Variants in MDGA2 observed in about 807,000 individuals in gnomAD.
The protein encoded by MDGA2 is MAM domain containing glycosylphosphatidylinositol anchor 2.
MDGA2 carries 40 observed loss-of-function variants against 117.8 expected under a neutral mutation model. The ratio of observed to expected loss-of-function variants is 0.34; its 90% CI spans 0.26 to 0.44. The LOEUF is 0.44. MDGA2 is among the 20% of genes least tolerant of loss of function. The probability of loss-of-function intolerance (pLI) is 1.00; values close to 1 mark genes in which losing one functional copy is unlikely to be tolerated. For missense variants in MDGA2, 1,123 were observed against 1,250.6 expected, an observed-to-expected ratio of 0.90 and a Z score of 1.54; for synonymous variants, 452 against 439.0, an observed-to-expected ratio of 1.03 and a Z score of -0.37.
At position 47,662,158 on chromosome 14, in the gene MDGA2, C is replaced by G. The variant is rs577954346; in HGVS notation, c.280+12359G>C. Among the ~76,000 whole-genome samples the G allele has an allele frequency of 8.5e-5, 13 of 152,286 alleles. No homozygotes were observed. In the East Asian group the frequency reaches 1.7e-3, roughly 20 times the overall value. On this transcript the variant is annotated intron_variant, in intron 1 of 16. Coordinates refer to ENST00000399232, the MANE Select transcript of MDGA2 (RefSeq NM_001113498.3). ...GAGACTGCATACTCTGTTGCCAACA[C>G]TGAATTAGAGTCAGCTTTGCAAGGG...
chr14:47,301,270 TACAC>T (rs201287370), intron 2 of MDGA2, 137 bp downstream of exon 2: 9 of 768,546 alleles, frequency 1.2e-5, no homozygotes, highest in Admixed American at 6.4e-5. Flanking sequence ...GCACTTGAGT[TACAC>T]ACACACACAC....
intron 1 of MDGA2, among the ~76,000 whole-genome samples, chr14:47,468,620 A>G (rs1893652762): frequency 6.6e-6 from 1 of 151,972 alleles, no homozygotes; most frequent in Non-Finnish European, 1.5e-5. Flanking sequence ...AGCTGTGCCC[A>G]GCAAAACTTC....
intron 3 of MDGA2, among the ~76,000 whole-genome samples, chr14:47,168,100 T>C (rs558716304): frequency 6.6e-6 from 1 of 152,116 alleles, no homozygotes; most frequent in African/African-American, 2.4e-5. Flanking sequence ...CTGGATGCAA[T>C]GGGAGTAGGT....
intron 1 of MDGA2, among the ~76,000 whole-genome samples, chr14:47,487,429 T>G (rs2138646449): frequency 6.6e-6 from 1 of 152,284 alleles, no homozygotes; most frequent in East Asian, 1.9e-4. Flanking sequence ...AAAATAAAAA[T>G]TATAAACCAT....
chr14:47,057,380 G>T (rs1889716042), intron 7 of MDGA2, among the ~76,000 whole-genome samples: 2 of 151,812 alleles, frequency 1.3e-5, no homozygotes, highest in Non-Finnish European at 2.9e-5. Context: ...CTCCTTAAGG[G>T]CAAGGCCTAT....
chr14:47,009,672 G>C (rs1238522835), intron 8 of MDGA2, among the ~76,000 whole-genome samples: 1 of 152,048 alleles, frequency 6.6e-6, no homozygotes, highest in Admixed American at 6.6e-5. Context: ...TCTTCTCCCA[G>C]TGAGGCAGTG....
chr14:47,561,150 TTTGTTTTGTTTTGTTTTTTTGTTTGTTTG>T lies in MDGA2; in HGVS notation c.280+113338_280+113366del, dbSNP rs1465455140. 1.5e-3 allele frequency among the ~76,000 whole-genome samples: 64 copies of T among 43,256 alleles called. 4 individuals are homozygous for T. The highest frequency in any genetic ancestry group is 0.01 in the Admixed American group (32 of 3,110). The allele number at this position is 43,256 out of a possible 152,430, so 28.4% of individuals were successfully genotyped here. A position where few individuals can be genotyped will look rare whatever the true frequency, so the allele number is the denominator to read the frequency against. On this transcript the variant is annotated intron_variant, in intron 1 of 16. Transcript: ENST00000399232. Reference sequence around the variant, plus strand: ...TGATACCTCTATCTTTGTTTTTTTTTTTGTTTTGTTTTGTTTTTTTGTTTGTTTGTTTTTTTTTGCTTAGGATTGCCTTA... The same window carrying T: ...TGATACCTCTATCTTTGTTTTTTTTTTTTTTTTTTGCTTAGGATTGCCTTA...
chr14:47,476,983 G>A (rs546184982), intron 1 of MDGA2, among the ~76,000 whole-genome samples: 2 of 152,026 alleles, frequency 1.3e-5, no homozygotes, highest in Non-Finnish European at 2.9e-5. Flanking sequence ...CCAACATGGT[G>A]AAACCCCGTC....
At chr14:47,587,261 C>T (rs184686052) in intron 1 of MDGA2, among the ~76,000 whole-genome samples, 205 of 151,616 alleles carry the variant, frequency 1.4e-3, no homozygotes, top group Non-Finnish European at 1.9e-3. Flanking sequence ...AGTTTACCTA[C>T]GAAACAACCT....
chr14:47,563,475 T>C (rs1266354833), intron 1 of MDGA2, among the ~76,000 whole-genome samples: 1 of 152,160 alleles, frequency 6.6e-6, no homozygotes, highest in Non-Finnish European at 1.5e-5. Context: ...GTTGAATTTA[T>C]TCCTTTACTA....
chr14:46,897,542 G>A (rs559838474), intron 10 of MDGA2, among the ~76,000 whole-genome samples: 4 of 151,860 alleles, frequency 2.6e-5, no homozygotes, highest in East Asian at 1.9e-4. Flanking sequence ...CAAATTAGAC[G>A]GAGTCTTTGT....
At chr14:46,875,681 T>C (rs1344094710) in intron 12 of MDGA2, among the ~76,000 whole-genome samples, 1 of 151,660 alleles carries the variant, frequency 6.6e-6, no homozygotes, top group Non-Finnish European at 1.5e-5. Flanking sequence ...TCTTTAAAGA[T>C]ATTTTAGGTA....
chr14:47,347,340 T>C (rs1024776397), intron 1 of MDGA2, among the ~76,000 whole-genome samples: 7 of 152,198 alleles, frequency 4.6e-5, no homozygotes, highest in African/African-American at 1.7e-4. Flanking sequence ...GAGAGTGGTA[T>C]GTACTTTAGA....
chr14:46,981,639 A>T (rs1202919369), intron 8 of MDGA2, among the ~76,000 whole-genome samples: 1 of 152,196 alleles, frequency 6.6e-6, no homozygotes, highest in Non-Finnish European at 1.5e-5. Context: ...AGTGATATAG[A>T]GTTCCAGTAC....
chr14:46,935,836 G>A (rs1012949670), intron 9 of MDGA2, among the ~76,000 whole-genome samples: 1 of 152,102 alleles, frequency 6.6e-6, no homozygotes, highest in Non-Finnish European at 1.5e-5. Context: ...TGTTTGGGTT[G>A]ACATGGAGAG....
intron 1 of MDGA2, among the ~76,000 whole-genome samples, chr14:47,426,664 A>G (rs1034884635): frequency 1.2e-4 from 18 of 147,626 alleles, no homozygotes; most frequent in African/African-American, 4.5e-4. Flanking sequence ...ATGTAAATAT[A>G]TCACACATTA....
intron 2 of MDGA2, among the ~76,000 whole-genome samples, chr14:47,259,202 A>G (rs1887716633): frequency 6.6e-6 from 1 of 152,000 alleles, no homozygotes; most frequent in Non-Finnish European, 1.5e-5. Context: ...TCTTTTATAA[A>G]GAGATAAGAG....
chr14:47,549,448 G>A (rs764262922), intron 1 of MDGA2, among the ~76,000 whole-genome samples: 1 of 151,432 alleles, frequency 6.6e-6, no homozygotes, highest in Non-Finnish European at 1.5e-5. Context: ...TTACTACCCA[G>A]AGTCAATGGT....
At chr14:47,415,398 T>A in intron 1 of MDGA2, among the ~76,000 whole-genome samples, 1 of 152,136 alleles carries the variant, frequency 6.6e-6, no homozygotes, top group East Asian at 1.9e-4. Flanking sequence ...CCCTTATAGG[T>A]TGTTTCACTT....
Sources: gnomAD v4.1 joint callset for allele counts (sites outside exome capture counted in the v4.1 genomes callset) on GRCh38, gnomAD v4.1.1 for gene constraint, MANE v1.5 for transcripts, NCBI Gene and HGNC (gene_info 2026-07-23, HGNC 2026-07-21) for gene names.